Variants in DPH5 observed in about 807,000 individuals in gnomAD.
DPH5 encodes the protein diphthamide biosynthesis 5.
DPH5 carries 31 observed loss-of-function variants against 31.6 expected under a neutral mutation model. The ratio of observed to expected loss-of-function variants is 0.98; its 90% CI spans 0.74 to 1.32. The LOEUF (loss-of-function observed/expected upper bound fraction) is 1.32. DPH5 is among the 40% of genes most tolerant of loss of function. DPH5 has a pLI of 0.00. For missense variants in DPH5, 309 were observed against 335.7 expected, an observed-to-expected ratio of 0.92 and a Z score of 0.62; for synonymous variants, 120 against 115.0, an observed-to-expected ratio of 1.04 and a Z score of -0.28.
intron 5 of DPH5, among the ~76,000 whole-genome samples, chr1:101,000,945 C>T (rs1008333198): frequency 6.6e-6 from 1 of 152,164 alleles, no homozygotes. Flanking sequence ...TCTGATTCTA[C>T]CAGTTCTGCC....
rs1056891868 is a variant in DPH5, at chr1:101,013,756, A to G, written c.323T>C (p.Ile108Thr). Residue 108 changes from isoleucine (I) to threonine (T), a missense_variant, in exon 4 of 8, where the codon ATT becomes ACT. Physicochemically the swap from Ile to Thr is moderately conservative, Grantham distance 89 (BLOSUM62 -1). Transcript: ENST00000370109. ...AGCATTCATTATGGAGGCATTGTGA[A>G]TAACTCTATAAGGAATTCCCAGCTT... is the stretch of plus-strand genomic sequence containing the variant. ...ATKLGIPYRVIHNASIMNAVG... is the reference protein window; with the variant it reads ...ATKLGIPYRVTHNASIMNAVG... The G allele has an allele frequency of 1.2e-6, 2 of 1,613,310 alleles. No individual in the cohort carries two copies. The highest frequency in any genetic ancestry group is 1.7e-6 in the Non-Finnish European group (2 of 1,179,536).
At chr1:100,999,695 C>T (rs1658694250) in intron 5 of DPH5, among the ~76,000 whole-genome samples, 5 of 151,654 alleles carry the variant, frequency 3.3e-5, no homozygotes, top group Admixed American at 1.3e-4. Context: ...AAAAATTAGC[C>T]GGGTGTGGTG....
In DPH5 at chr1:101,001,149, AG is replaced by A. The variant is rs1658835715; in HGVS notation, c.490+317del. Among the ~76,000 whole-genome samples, 5 of 152,348 alleles carry A rather than the reference AG, an allele frequency of 3.3e-5. No individual in the cohort carries two copies. The South Asian group carries it at 1.0e-3, about 32-fold the overall frequency. On this transcript the variant is annotated intron_variant, in intron 5 of 7. Coordinates refer to ENST00000370109, the MANE Select transcript of DPH5 (RefSeq NM_015958.3). The stretch of plus-strand genomic sequence containing the variant: ...GGATGGTCCTTGGTAAGGCTTGCTC[AG>A]TGCATGTCTATTGGATTGCAGTAAA...
At chr1:101,000,028 T>C (rs1353820493) in intron 5 of DPH5, among the ~76,000 whole-genome samples, 1 of 151,306 alleles carries the variant, frequency 6.6e-6, no homozygotes, top group Non-Finnish European at 1.5e-5. Flanking sequence ...GAACCTGTAG[T>C]CCTAACTACC....
intron 5 of DPH5, among the ~76,000 whole-genome samples, chr1:100,999,515 G>C (rs1658678049): frequency 6.6e-6 from 1 of 151,936 alleles, no homozygotes; most frequent in Admixed American, 6.6e-5. Flanking sequence ...AAATAATAGA[G>C]ATTGGCTATA....
At chr1:100,994,553 T>G (rs931057850) in intron 6 of DPH5, among the ~76,000 whole-genome samples, 9 of 151,746 alleles carry the variant, frequency 5.9e-5, no homozygotes, top group African/African-American at 2.2e-4. Flanking sequence ...TTTTTTTTTT[T>G]TCTCACTCTG....
chr1:101,006,952 C>G (rs997376369), intron 4 of DPH5, among the ~76,000 whole-genome samples: 1 of 152,190 alleles, frequency 6.6e-6, no homozygotes, highest in Non-Finnish European at 1.5e-5. Flanking sequence ...TATCTGAAAT[C>G]ATTGCTACCT....
intron 5 of DPH5, chr1:100,995,778 TC>T (rs1368741227): frequency 1.3e-5 from 2 of 152,220 alleles, no homozygotes; most frequent in Non-Finnish European, 2.9e-5. Flanking sequence ...TTTTAATCAC[TC>T]ATGCTCAACT....
At chr1:100,995,084 T>G (rs1444250324) in intron 6 of DPH5, 26 bp downstream of exon 6, 4 of 1,513,242 alleles carry the variant, frequency 2.6e-6, no homozygotes, top group South Asian at 1.1e-5. Flanking sequence ...AAAACACATG[T>G]ATGCATTCTC....
chr1:100,992,631 G>C lies in DPH5; in HGVS notation c.634+6C>G, dbSNP rs1267865255. The C allele has an allele frequency of 6.2e-7, 1 of 1,610,708 alleles. No homozygotes were observed. Among genetic ancestry groups the C allele is most frequent in the African/African-American group, 1.3e-5 (1 of 74,846 alleles). ...AATATGAGAGCCCTTCTAGTGTCTT[G>C]AGTACCTGGTTCTTCTCCTCGTATT... is the stretch of plus-strand genomic sequence containing the variant. On this transcript the variant is annotated splice_donor_region_variant and intron_variant, in intron 7 of 7. Coordinates refer to ENST00000370109, the MANE Select transcript of DPH5 (RefSeq NM_015958.3).
intron 2 of DPH5, 95 bp from the exon 3 acceptor site, chr1:101,021,860 T>A (rs1037912209): frequency 1.0e-4 from 91 of 882,410 alleles, no homozygotes; most frequent in African/African-American, 6.6e-4. Context: ...ACACACACAC[T>A]CTTTGTTTGG....
At chr1:101,023,907 C>A (rs1359644595) in intron 2 of DPH5, among the ~76,000 whole-genome samples, 1 of 152,150 alleles carries the variant, frequency 6.6e-6, no homozygotes, top group Non-Finnish European at 1.5e-5. Context: ...AAACTATAAC[C>A]AAACTTTCCT....
intron 4 of DPH5, among the ~76,000 whole-genome samples, chr1:101,010,450 C>G (rs1420862012): frequency 6.6e-6 from 1 of 152,120 alleles, no homozygotes; most frequent in Non-Finnish European, 1.5e-5. Context: ...TTTCTGTTGG[C>G]TAATAAACTA....
rs373182466 is a variant in DPH5 at position 101,021,767 on chromosome 1, T to C, written c.136-2A>G. The C allele has an allele frequency of 1.9e-6, 3 of 1,610,114 alleles. No homozygotes were observed. Among genetic ancestry groups the C allele is most frequent in the Non-Finnish European group, 1.7e-6 (2 of 1,177,930 alleles). ...CAATTTTCTTCCATAAAACTCTTCC[T>C]ACAGATATAAGTCCAATATCAAGAT... On this transcript the variant is annotated splice_acceptor_variant, in intron 2 of 7. Transcript: ENST00000370109. LOFTEE classifies it high-confidence loss of function.
At position 101,001,535 on chromosome 1, in the gene DPH5, C is replaced by G; in HGVS notation, c.422G>C (p.Arg141Thr). The change falls in exon 5 of 8, where the codon AGA (arginine) becomes ACA (threonine). Residue 141 changes from arginine (R) to threonine (T), a missense_variant. Physicochemically the swap from Arg to Thr is moderately conservative, Grantham distance 71. Coordinates refer to ENST00000370109, the MANE Select transcript of DPH5 (RefSeq NM_015958.3). ...CACTTTGTCAAAGAAGCTTTCTGGT[C>G]TCCAAGTGTCTGTCCAAAAAACAAT... ...VSIVFWTDTW[R>T]PESFFDKVKK... 1 of 1,610,826 alleles carries G rather than the reference C, an allele frequency of 6.2e-7. No homozygotes were observed. The highest frequency in any genetic ancestry group is 8.5e-7 in the Non-Finnish European group (1 of 1,177,240).
intron 3 of DPH5, among the ~76,000 whole-genome samples, chr1:101,019,073 T>C (rs566076009): frequency 2.0e-5 from 3 of 152,272 alleles, no homozygotes; most frequent in Admixed American, 6.5e-5. Flanking sequence ...ACAGAGCATA[T>C]TGAAATACAG....
Position 101,013,723 on chromosome 1 carries a change from C to T in DPH5, c.356G>A (p.Cys119Tyr). 6.3e-7 allele frequency: 1 copy of T among 1,599,886 alleles called. No individual in the cohort carries two copies. Among genetic ancestry groups the T allele is most frequent in the Non-Finnish European group, 8.5e-7 (1 of 1,172,614 alleles). The change falls in exon 4 of 8, where the codon TGC (cysteine) becomes TAC (tyrosine). Residue 119 changes from cysteine to tyrosine, a missense_variant. By Grantham distance (194) the Cys-to-Tyr change is radical. Transcript: ENST00000370109. ...TTGTTGCATTACCTGTAAACCACAG[C>T]AGCCTACAGCATTCATTATGGAGGC... ...HNASIMNAVG[C>Y]CGLQLYKFGE...
intron 2 of DPH5, 94 bp downstream of exon 2, chr1:101,025,215 C>G (rs1660736922): frequency 6.7e-7 from 1 of 1,493,276 alleles, no homozygotes; most frequent in Non-Finnish European, 9.0e-7. Flanking sequence ...AGGGTTTAAA[C>G]AAGCAGACCT....
intron 3 of DPH5, among the ~76,000 whole-genome samples, chr1:101,015,933 T>C (rs111310319): frequency 6.6e-6 from 1 of 152,212 alleles, no homozygotes; most frequent in Admixed American, 6.5e-5. Flanking sequence ...AGACTTTAGC[T>C]TAAGGGAATA....
Sources: gnomAD v4.1 joint callset for allele counts (sites outside exome capture counted in the v4.1 genomes callset) on GRCh38, gnomAD v4.1.1 for gene constraint, MANE v1.5 for transcripts, NCBI Gene and HGNC (gene_info 2026-07-23, HGNC 2026-07-21) for gene names.